The following TANC2 variants were observed in gnomAD, a reference collection of about 807,000 sequenced individuals.
The protein encoded by TANC2 is protein TANC2.
Under a neutral mutation model 210.5 loss-of-function variants are expected in TANC2, and 26 were observed. The observed-to-expected ratio is 0.12, with a 90% confidence interval of 0.09 to 0.17. TANC2 has a LOEUF of 0.17. TANC2 is among the 10% of genes least tolerant of loss of function. TANC2 has a pLI of 1.00. For missense variants in TANC2, 2,129 were observed against 2,608.9 expected (o/e 0.82, Z 4.01); for synonymous variants, 931 against 967.1 (o/e 0.96, Z 0.69).
At chr17:63,242,825 A>C (rs781488412) in intron 8 of TANC2, among the ~76,000 whole-genome samples, 4 of 152,216 alleles carry the variant, frequency 2.6e-5, no homozygotes, top group Non-Finnish European at 5.9e-5. Flanking sequence ...TATGGATACC[A>C]CAGCAACATA....
At chr17:63,191,457 T>C (rs976330396) in intron 5 of TANC2, among the ~76,000 whole-genome samples, 1 of 151,548 alleles carries the variant, frequency 6.6e-6, no homozygotes, top group Admixed American at 6.6e-5. Context: ...TCCCACCTTT[T>C]AAAAAAATAT....
intron 5 of TANC2, among the ~76,000 whole-genome samples, chr17:63,175,573 A>G (rs944047127): frequency 5.3e-5 from 8 of 151,468 alleles, no homozygotes; most frequent in African/African-American, 1.2e-4. Context: ...ACCTAAATGT[A>G]AGAGCTAGGA....
intron 5 of TANC2, among the ~76,000 whole-genome samples, chr17:63,179,445 T>C (rs564076080): frequency 1.3e-5 from 2 of 152,304 alleles, no homozygotes; most frequent in African/African-American, 4.8e-5. Flanking sequence ...AGATAAGAAA[T>C]GTCGTGAAGA....
chr17:63,244,825 G>A (rs561775032), intron 8 of TANC2, among the ~76,000 whole-genome samples: 54 of 152,302 alleles, frequency 3.5e-4, no homozygotes, highest in Admixed American at 9.8e-4. Context: ...TTGAATCATG[G>A]AGGCAGGTCT....
intron 1 of TANC2, among the ~76,000 whole-genome samples, chr17:63,001,243 A>C (rs2033365616): frequency 6.6e-6 from 1 of 152,224 alleles, no homozygotes; most frequent in Admixed American, 6.5e-5. Flanking sequence ...GTTTTCCCTC[A>C]GATAAAATTT....
intron 2 of TANC2, among the ~76,000 whole-genome samples, chr17:63,059,005 A>G (rs930512249): frequency 3.3e-5 from 5 of 152,188 alleles, no homozygotes; most frequent in Non-Finnish European, 7.3e-5. Flanking sequence ...TAGGAATAGC[A>G]TTGAACCTGT....
chr17:63,183,412 A>G (rs1160470863), intron 5 of TANC2, among the ~76,000 whole-genome samples: 1 of 152,238 alleles, frequency 6.6e-6, no homozygotes, highest in Non-Finnish European at 1.5e-5. Flanking sequence ...GTCGTAATAC[A>G]TTTCTAGTTT....
Position 63,406,174 on chromosome 17 carries a change from C to T in TANC2, c.3486C>T (p.Thr1162=), listed in dbSNP as rs1358124345. ...TGCAGATTGTTGATCTTTTACTCAC[C>T]CATGGAGCTGATGTCAACATGGCAG... Residue 1162 remains threonine (T), a synonymous_variant, in exon 21 of 28, where the codon ACC becomes ACT. Transcript: ENST00000689528. 3 of 1,613,752 alleles carry T rather than the reference C, an allele frequency of 1.9e-6. No individual in the cohort carries two copies. In the African/African-American group the frequency reaches 4.0e-5, roughly 22 times the overall value.
intron 10 of TANC2, among the ~76,000 whole-genome samples, chr17:63,316,190 A>G (rs2045307483): frequency 6.6e-6 from 1 of 152,216 alleles, no homozygotes; most frequent in South Asian, 2.1e-4. Flanking sequence ...TTTCCACACT[A>G]TTCCAGTGTT....
chr17:63,037,288 A>G (rs1474853644), intron 2 of TANC2, among the ~76,000 whole-genome samples: 3 of 151,934 alleles, frequency 2.0e-5, no homozygotes, highest in Non-Finnish European at 2.9e-5. Context: ...GCTGGAAGGG[A>G]TGATTTACAT....
At chr17:63,076,209 C>A (rs1021490126) in intron 3 of TANC2, among the ~76,000 whole-genome samples, 2 of 152,102 alleles carry the variant, frequency 1.3e-5, no homozygotes. Flanking sequence ...TCACCCCTAA[C>A]CAAAAGCAAA....
At position 63,015,997 on chromosome 17, in the gene TANC2, T is replaced by C. The variant is rs1379082119; in HGVS notation, c.67+6371T>C. Among the ~76,000 whole-genome samples, 4 of 152,110 alleles carry C rather than the reference T, an allele frequency of 2.6e-5. No individual in the cohort carries two copies. In the East Asian group the frequency reaches 7.7e-4, roughly 29 times the overall value. ...TATGCTGGTGGGGGTGGGGAGATACTGGCAATTTCAGATATTCGGGAATTC... is the reference window on the plus strand; with the variant it reads ...TATGCTGGTGGGGGTGGGGAGATACCGGCAATTTCAGATATTCGGGAATTC... On this transcript the variant is annotated intron_variant, in intron 2 of 27. Coordinates refer to ENST00000689528, the Ensembl canonical transcript of TANC2.
chr17:63,042,484 G>A (rs777174550), intron 2 of TANC2, among the ~76,000 whole-genome samples: 1 of 152,086 alleles, frequency 6.6e-6, no homozygotes, highest in Non-Finnish European at 1.5e-5. Context: ...GATTACTACT[G>A]TAAATTTGCA....
chr17:63,377,672 C>G (rs1414994592), intron 14 of TANC2, among the ~76,000 whole-genome samples: 1 of 152,222 alleles, frequency 6.6e-6, no homozygotes, highest in Non-Finnish European at 1.5e-5. Flanking sequence ...ACTGTTCCAA[C>G]CTCTGCCTGT....
chr17:63,115,714 A>T (rs1374811317), intron 4 of TANC2, among the ~76,000 whole-genome samples: 7 of 152,202 alleles, frequency 4.6e-5, no homozygotes, highest in African/African-American at 1.4e-4. Flanking sequence ...AGATACTATT[A>T]AAAAAGATAA....
chr17:63,399,812 T>C (rs960163660), intron 19 of TANC2, among the ~76,000 whole-genome samples: 10 of 152,238 alleles, frequency 6.6e-5, no homozygotes, highest in Admixed American at 3.3e-4. Context: ...TTGTGGCATT[T>C]CTTCTCGTGA....
chr17:63,120,124 A>G (rs1468508398), intron 4 of TANC2, among the ~76,000 whole-genome samples: 2 of 151,264 alleles, frequency 1.3e-5, no homozygotes, highest in Non-Finnish European at 2.9e-5. Flanking sequence ...TTATTAGCAG[A>G]TTTATTCATT....
Position 63,354,683 on chromosome 17 carries a change from CT to C in TANC2, c.1975-98del, listed in dbSNP as rs377332972. The stretch of plus-strand genomic sequence containing the variant: ...TTGATCATGTTTCCCTGTTTGGCCA[CT>C]TCGAAGTTCAGAATACATTTGTGAA... On this transcript the variant is annotated intron_variant, in intron 13 of 27. Coordinates refer to ENST00000689528, the Ensembl canonical transcript of TANC2. 1,248 of 1,456,420 alleles carry C rather than the reference CT, an allele frequency of 8.6e-4. 14 individuals carry two copies. The African/African-American group carries it at 0.016, about 18-fold the overall frequency. The allele number at this position is 1,456,420 out of a possible 1,614,324, so 90.2% of individuals were successfully genotyped here.
At chr17:63,144,088 G>C (rs1340753927) in intron 4 of TANC2, among the ~76,000 whole-genome samples, 1 of 152,048 alleles carries the variant, frequency 6.6e-6, no homozygotes, top group East Asian at 1.9e-4. Flanking sequence ...TATTCTTTAT[G>C]GTATATATTC....
Sources: gnomAD v4.1 joint callset for allele counts (sites outside exome capture counted in the v4.1 genomes callset) on GRCh38, gnomAD v4.1.1 for gene constraint, MANE v1.5 for transcripts, NCBI Gene and HGNC (gene_info 2026-07-23, HGNC 2026-07-21) for gene names.